Variants in PTCD2 observed in about 807,000 individuals in gnomAD.
PTCD2 encodes pentatricopeptide repeat domain 2, also known as pentatricopeptide repeat-containing protein 2, mitochondrial.
PTCD2 carries 31 observed loss-of-function variants against 42.6 expected under a neutral mutation model. The ratio of observed to expected loss-of-function variants is 0.73; its 90% CI spans 0.55 to 0.98. PTCD2 has a LOEUF of 0.98. Among genes scored for constraint, PTCD2 ranks in the 50% least tolerant of loss-of-function variants. The pLI, the probability that PTCD2 is intolerant of heterozygous loss-of-function variation, is 0.00. For missense variants in PTCD2, 476 were observed against 454.8 expected (o/e 1.05, Z -0.42); for synonymous variants, 183 against 170.9 (o/e 1.07, Z -0.55).
intron 1 of PTCD2, chr5:72,321,411 T>TAGAGGTGGG (rs1750838168): frequency 1.3e-5 from 2 of 152,230 alleles, no homozygotes; most frequent in African/African-American, 4.8e-5. Flanking sequence ...AGGGAACTGT[T>TAGAGGTGGG]AGAGGTGGGA....
chr5:72,331,521 GT>G (rs1751439692), intron 4 of PTCD2, 146 bp downstream of exon 4: 1 of 682,662 alleles, frequency 1.5e-6, no homozygotes, highest in Non-Finnish European at 2.6e-6. Context: ...GCATTTTTAA[GT>G]TTCCTTGCAG....
At chr5:72,347,099 AG>A (rs1752395872) in intron 8 of PTCD2, among the ~76,000 whole-genome samples, 1 of 152,202 alleles carries the variant, frequency 6.6e-6, no homozygotes, top group Admixed American at 6.5e-5. Context: ...TGAAGATTCA[AG>A]GGTAAGTAAA....
At chr5:72,329,543 C>CT (rs1365813425) in intron 3 of PTCD2, among the ~76,000 whole-genome samples, 2 of 151,696 alleles carry the variant, frequency 1.3e-5, no homozygotes, top group African/African-American at 2.4e-5. Flanking sequence ...AAATCAGAAA[C>CT]TTTTTTTTTG....
At position 72,343,041 on chromosome 5, in the gene PTCD2, G is replaced by T; in HGVS notation, c.828+5G>T. On this transcript the variant is annotated splice_donor_5th_base_variant and intron_variant, in intron 8 of 9. Coordinates refer to ENST00000380639, the MANE Select transcript of PTCD2 (RefSeq NM_024754.5). Reference sequence around the variant, plus strand: ...ATAGCCTGCATTAATTTAAATGTAAGTGATTTCTTTATGGTTTAAGGTAAG... The same window carrying T: ...ATAGCCTGCATTAATTTAAATGTAATTGATTTCTTTATGGTTTAAGGTAAG... 6.6e-7 allele frequency: 1 copy of T among 1,524,826 alleles called. No homozygotes were observed. The allele number at this position is 1,524,826 out of a possible 1,614,324, so 94.5% of individuals were successfully genotyped here.
At chr5:72,357,149 T>C (rs930931871) in intron 9 of PTCD2, among the ~76,000 whole-genome samples, 1 of 152,178 alleles carries the variant, frequency 6.6e-6, no homozygotes, top group Non-Finnish European at 1.5e-5. Context: ...GTTCTAGACA[T>C]ACCCATTTAG....
intron 8 of PTCD2, among the ~76,000 whole-genome samples, chr5:72,343,709 G>T (rs929304736): frequency 5.9e-5 from 9 of 152,074 alleles, no homozygotes; most frequent in African/African-American, 2.2e-4. Flanking sequence ...AATTATCTCA[G>T]ATTCACCAGA....
intron 6 of PTCD2, among the ~76,000 whole-genome samples, chr5:72,338,075 G>T (rs1336327613): frequency 6.6e-6 from 1 of 152,198 alleles, no homozygotes; most frequent in Non-Finnish European, 1.5e-5. Flanking sequence ...AAAGGAAGAG[G>T]ATTTGGTTTT....
intron 8 of PTCD2, among the ~76,000 whole-genome samples, chr5:72,343,310 C>T (rs987986590): frequency 2.0e-5 from 3 of 152,142 alleles, no homozygotes; most frequent in African/African-American, 7.2e-5. Context: ...ATGCTGAAGA[C>T]ATGAGACGTG....
At chr5:72,345,082 G>T (rs189393645) in intron 8 of PTCD2, among the ~76,000 whole-genome samples, 1 of 152,134 alleles carries the variant, frequency 6.6e-6, no homozygotes, top group Non-Finnish European at 1.5e-5. Context: ...GCCTGGGAGC[G>T]CTACGGGAGA....
chr5:72,360,479 G>T lies in PTCD2; in HGVS notation c.*2052G>T, dbSNP rs1477931426. On this transcript the variant is annotated 3_prime_UTR_variant, in exon 10 of 10. Coordinates refer to ENST00000380639, the MANE Select transcript of PTCD2 (RefSeq NM_024754.5). Reference sequence around the variant, plus strand: ...AACTGGTCCATTCCACCTGTTCCCAGAAACCTCAGTACAGAGGTAGCTATA... The same window carrying T: ...AACTGGTCCATTCCACCTGTTCCCATAAACCTCAGTACAGAGGTAGCTATA... 6.6e-6 allele frequency: 1 copy of T among 152,140 alleles called. No individual in the cohort carries two copies. Among genetic ancestry groups the T allele is most frequent in the Non-Finnish European group, 1.5e-5 (1 of 68,042 alleles). 9.4% of individuals were successfully genotyped at this position (152,140 alleles called of 1,614,324 possible).
chr5:72,322,024 A>G (rs1450137371), intron 1 of PTCD2, 148 bp from the exon 2 acceptor site: 1 of 499,648 alleles, frequency 2.0e-6, no homozygotes, highest in East Asian at 3.4e-5. Context: ...CCCAGGATTT[A>G]TATTTGTACA....
intron 9 of PTCD2, among the ~76,000 whole-genome samples, chr5:72,355,681 A>T (rs1437957736): frequency 6.6e-6 from 1 of 152,204 alleles, no homozygotes; most frequent in Admixed American, 6.5e-5. Context: ...GTCATTTGAG[A>T]TGTAGTAATT....
chr5:72,325,347 C>T (rs1336889916), intron 2 of PTCD2, among the ~76,000 whole-genome samples: 1 of 152,200 alleles, frequency 6.6e-6, no homozygotes, highest in Non-Finnish European at 1.5e-5. Flanking sequence ...TTAGATCTAA[C>T]AGGTGACACA....
At chr5:72,353,968 A>G (rs1752741341) in intron 9 of PTCD2, among the ~76,000 whole-genome samples, 1 of 152,236 alleles carries the variant, frequency 6.6e-6, no homozygotes, top group African/African-American at 2.4e-5. Flanking sequence ...AATCCAAATC[A>G]GTAAAAGAAG....
chr5:72,362,164 G>A lies in PTCD2; in HGVS notation c.*3737G>A, dbSNP rs1400740276. The stretch of plus-strand genomic sequence containing the variant: ...TCTAATACCATACACTCAGTGCAGG[G>A]TCTGAATGTCCCCCCAAACTCATAT... On this transcript the variant is annotated 3_prime_UTR_variant, in exon 10 of 10. Transcript: ENST00000380639. 1 of 152,200 alleles carries A rather than the reference G, an allele frequency of 6.6e-6. No homozygotes were observed. The highest frequency in any genetic ancestry group is 1.9e-4 in the East Asian group (1 of 5,194). The allele number at this position is 152,200 out of a possible 1,614,324, so 9.4% of individuals were successfully genotyped here. A position where few individuals can be genotyped will look rare whatever the true frequency, so the allele number is the denominator to read the frequency against.
rs1475653776 is a variant in PTCD2, at chr5:72,364,017, A to T, written c.*5590A>T. ...TGCATAAGAAACCGTGAGGAACCAA[A>T]TCATGGTAAAATTGATTCTAAGGAA... On this transcript the variant is annotated 3_prime_UTR_variant, in exon 10 of 10. Transcript: ENST00000380639. The T allele has an allele frequency of 1.3e-5, 2 of 152,220 alleles. No homozygotes were observed. Among genetic ancestry groups the T allele is most frequent in the Admixed American group, 1.3e-4 (2 of 15,282 alleles). 9.4% of individuals were successfully genotyped at this position (152,220 alleles called of 1,614,324 possible).
intron 8 of PTCD2, among the ~76,000 whole-genome samples, chr5:72,343,453 A>G (rs1580172280): frequency 6.6e-6 from 1 of 152,236 alleles, no homozygotes; most frequent in Non-Finnish European, 1.5e-5. Flanking sequence ...CATTGTTGCA[A>G]TTAATGAGCT....
chr5:72,320,946 C>T, intron 1 of PTCD2: 1 of 171,686 alleles, frequency 5.8e-6, no homozygotes. Flanking sequence ...GTTGGGACTA[C>T]AGGCGTGCGC....
At chr5:72,350,403 G>C (rs149203152) in intron 8 of PTCD2, among the ~76,000 whole-genome samples, 1,747 of 152,288 alleles carry the variant, frequency 0.011, 34 homozygotes, top group African/African-American at 0.04. Flanking sequence ...TGCACACATA[G>C]GAAGTTGCTT....
Sources: gnomAD v4.1 joint callset for allele counts (sites outside exome capture counted in the v4.1 genomes callset) on GRCh38, gnomAD v4.1.1 for gene constraint, MANE v1.5 for transcripts, NCBI Gene and HGNC (gene_info 2026-07-23, HGNC 2026-07-21) for gene names.